Variants in FAM210A observed in about 807,000 individuals in gnomAD.
FAM210A encodes family with sequence similarity 210 member A.
FAM210A carries 13 observed loss-of-function variants against 25.3 expected under a neutral mutation model. That is an observed-to-expected ratio of 0.51 (90% CI 0.33 to 0.82). FAM210A has a LOEUF of 0.82. Ranked by LOEUF, FAM210A falls within the 40% of genes least tolerant of loss-of-function variation. FAM210A has a pLI of 0.02. For synonymous variants in FAM210A, 125 were observed against 118.7 expected (o/e 1.05, Z -0.35); for missense variants, 319 against 323.2 (o/e 0.99, Z 0.10).
chr18:13,671,960 C>A lies in FAM210A; in HGVS notation c.487G>T (p.Val163Phe), dbSNP rs762433160. Reference protein sequence around the residue: ...YYAALKGVNVVPFLELIGLPD... With the variant: ...YYAALKGVNVFPFLELIGLPD... ...AACCCAATGAGTTCTAGAAAAGGAA[C>A]GACATTCACTCCTCTACAAAAAAAA... Residue 163 changes from valine to phenylalanine, a missense_variant, in exon 3 of 4, where the codon GTT becomes TTT. Physicochemically the swap from Val to Phe is conservative, Grantham distance 50. Coordinates refer to ENST00000651643, the MANE Select transcript of FAM210A (RefSeq NM_152352.4). 18 of 1,606,622 alleles carry A rather than the reference C, an allele frequency of 1.1e-5. No individual in the cohort carries two copies. Among genetic ancestry groups the A allele is most frequent in the Middle Eastern group, 1.6e-4 (1 of 6,066 alleles).
intron 2 of FAM210A, among the ~76,000 whole-genome samples, chr18:13,679,791 G>C (rs531932360): frequency 6.6e-6 from 1 of 152,138 alleles, no homozygotes; most frequent in Non-Finnish European, 1.5e-5. Flanking sequence ...ATAAAACTAA[G>C]AAAGTTGCAT....
intron 1 of FAM210A, among the ~76,000 whole-genome samples, chr18:13,689,795 T>C (rs904219562): frequency 6.6e-6 from 1 of 152,232 alleles, no homozygotes; most frequent in African/African-American, 2.4e-5. Flanking sequence ...AAGTAATTAA[T>C]TGGCTGTGGT....
chr18:13,677,369 C>T (rs577668602), intron 2 of FAM210A, among the ~76,000 whole-genome samples: 6 of 152,182 alleles, frequency 3.9e-5, no homozygotes, highest in Non-Finnish European at 7.3e-5. Flanking sequence ...CCATCACGCC[C>T]GGCCCCTGTC....
chr18:13,684,855 T>A (rs2043583399), intron 1 of FAM210A, among the ~76,000 whole-genome samples: 1 of 152,132 alleles, frequency 6.6e-6, no homozygotes. Context: ...CATGCAAAGT[T>A]ATGTTCTCAA....
chr18:13,667,910 T>C (rs80173784), intron 3 of FAM210A, among the ~76,000 whole-genome samples: 3 of 151,856 alleles, frequency 2.0e-5, no homozygotes, highest in Non-Finnish European at 4.4e-5. Context: ...AAAAGAAAAA[T>C]ACTTAGCCGG....
At chr18:13,667,025 T>G (rs2043406379) in intron 3 of FAM210A, among the ~76,000 whole-genome samples, 1 of 152,256 alleles carries the variant, frequency 6.6e-6, no homozygotes. Flanking sequence ...GAAAGAGGAC[T>G]CAGTACCAGT....
At chr18:13,688,639 T>C (rs1053367757) in intron 1 of FAM210A, among the ~76,000 whole-genome samples, 25 of 152,246 alleles carry the variant, frequency 1.6e-4, no homozygotes, top group African/African-American at 5.3e-4. Context: ...CCCAAAAAGG[T>C]TGTCACTCTG....
intron 1 of FAM210A, among the ~76,000 whole-genome samples, chr18:13,693,860 T>C (rs1212859891): frequency 2.0e-5 from 3 of 152,180 alleles, no homozygotes; most frequent in African/African-American, 7.2e-5. Context: ...CTATTCAGCA[T>C]AGTGTTGGAA....
At chr18:13,708,501 A>G (rs2043797319) in intron 1 of FAM210A, among the ~76,000 whole-genome samples, 1 of 152,218 alleles carries the variant, frequency 6.6e-6, no homozygotes, top group African/African-American at 2.4e-5. Context: ...CTGAAGCTAC[A>G]GAAGCCCTAC....
At chr18:13,687,890 G>GCAAGAAATGA in intron 1 of FAM210A, 1 of 152,186 alleles carries the variant, frequency 6.6e-6, no homozygotes, top group African/African-American at 2.4e-5. Context: ...CTTCTGAGGA[G>GCAAGAAATGA]GCAAGAAATG....
At chr18:13,672,116 ACT>A in intron 2 of FAM210A, 143 bp from the exon 3 acceptor site, 1 of 565,082 alleles carries the variant, frequency 1.8e-6, no homozygotes, top group South Asian at 2.1e-5. Context: ...CTTTACCTTC[ACT>A]CTAAGAGAAC....
At position 13,693,226 on chromosome 18, in the gene FAM210A, T is replaced by C. The variant is rs189519315; in HGVS notation, c.-28-11121A>G. Among the ~76,000 whole-genome samples, 26 of 152,196 alleles carry C rather than the reference T, an allele frequency of 1.7e-4. No homozygotes were observed. The South Asian group carries it at 3.1e-3, about 18-fold the overall frequency. ...GACACTGAATCCCTGAATAGACCAATAACAGGCTCTGAAATTGAGGCAATA... is the reference window on the plus strand; with the variant it reads ...GACACTGAATCCCTGAATAGACCAACAACAGGCTCTGAAATTGAGGCAATA... On this transcript the variant is annotated intron_variant, in intron 1 of 3. Transcript: ENST00000651643.
chr18:13,720,786 G>C (rs895747631), intron 1 of FAM210A, among the ~76,000 whole-genome samples: 84 of 152,228 alleles, frequency 5.5e-4, no homozygotes, highest in African/African-American at 2.0e-3. Flanking sequence ...TCTGGGGTTA[G>C]AAGTCCAAGA....
chr18:13,700,817 C>A (rs2043733278), intron 1 of FAM210A, among the ~76,000 whole-genome samples: 1 of 152,228 alleles, frequency 6.6e-6, no homozygotes, highest in Non-Finnish European at 1.5e-5. Flanking sequence ...ATAGCTGAGT[C>A]TTGACCAATT....
At chr18:13,713,348 T>C (rs989105761) in intron 1 of FAM210A, among the ~76,000 whole-genome samples, 5 of 152,214 alleles carry the variant, frequency 3.3e-5, no homozygotes, top group South Asian at 2.1e-4. Flanking sequence ...TCATCCTTTA[T>C]GGCCTTTTGT....
At chr18:13,716,766 G>T (rs2043864879) in intron 1 of FAM210A, among the ~76,000 whole-genome samples, 1 of 152,154 alleles carries the variant, frequency 6.6e-6, no homozygotes, top group Non-Finnish European at 1.5e-5. Context: ...GCTGCCTTGT[G>T]AAGAAGGTGC....
At chr18:13,686,931 A>T (rs903364169) in intron 1 of FAM210A, among the ~76,000 whole-genome samples, 10 of 152,320 alleles carry the variant, frequency 6.6e-5, no homozygotes, top group African/African-American at 2.4e-4. Flanking sequence ...TGGCCCTAAT[A>T]CCAAAACCAG....
chr18:13,712,210 T>C (rs59138951), intron 1 of FAM210A, among the ~76,000 whole-genome samples: 9,451 of 152,210 alleles, frequency 0.062, 469 homozygotes, highest in African/African-American at 0.13. Context: ...ATGAACTTGT[T>C]TAAATTATAA....
rs116455656 is a variant in FAM210A at position 13,706,849 on chromosome 18, G to A, written c.-29+19480C>T. 3.9e-3 allele frequency among the ~76,000 whole-genome samples: 587 copies of A among 152,288 alleles called. 2 individuals carry two copies. Among genetic ancestry groups the A allele is most frequent in the African/African-American group, 0.013 (522 of 41,564 alleles). On this transcript the variant is annotated intron_variant, in intron 1 of 3. Coordinates refer to ENST00000651643, the MANE Select transcript of FAM210A (RefSeq NM_152352.4). ...TGTAGATTATAAAAATTCCGTTGTA[G>A]GGGATTAACAGAAAAAACCACTTAG... is the stretch of plus-strand genomic sequence containing the variant.
Sources: gnomAD v4.1 joint callset for allele counts (sites outside exome capture counted in the v4.1 genomes callset) on GRCh38, gnomAD v4.1.1 for gene constraint, MANE v1.5 for transcripts, NCBI Gene and HGNC (gene_info 2026-07-23, HGNC 2026-07-21) for gene names.